Variants in TRIML2 observed in about 807,000 individuals in gnomAD.
TRIML2 encodes the protein probable E3 ubiquitin-protein ligase TRIML2.
A neutral mutation model predicts 31.2 loss-of-function variants in TRIML2; 28 were observed. That is an observed-to-expected ratio of 0.90 (90% confidence interval 0.66 to 1.23). The LOEUF is 1.23. Among genes scored for constraint, TRIML2 ranks in the 50% most tolerant of loss-of-function variants. TRIML2 has a pLI of 0.00. For synonymous variants in TRIML2, 187 were observed against 197.5 expected (o/e 0.95, Z 0.45); for missense variants, 536 against 528.3 (o/e 1.01, Z -0.14).
chr4:188,104,454 C>T (rs1018793951), intron 3 of TRIML2, among the ~76,000 whole-genome samples: 4 of 150,474 alleles, frequency 2.7e-5, no homozygotes, highest in African/African-American at 9.8e-5. Context: ...ACCTCTGCCT[C>T]CCAGTTCAAG....
intron 7 of TRIML2, chr4:188,093,030 C>T (rs1456409080): frequency 2.8e-6 from 1 of 357,968 alleles, no homozygotes; most frequent in African/African-American, 2.1e-5. Context: ...CAGCTAAATA[C>T]CAGTTGGAAA....
intron 7 of TRIML2, among the ~76,000 whole-genome samples, chr4:188,093,734 T>C (rs1247751313): frequency 2.0e-5 from 3 of 151,758 alleles, no homozygotes; most frequent in South Asian, 2.1e-4. Context: ...AAATTCAACA[T>C]TGATTCATAA....
rs375427099 is a variant in TRIML2 at position 188,097,306 on chromosome 4, T to C, written c.644+18A>G. 1.9e-6 allele frequency: 3 copies of C among 1,613,402 alleles called. No individual in the cohort carries two copies. Among genetic ancestry groups the C allele is most frequent in the Non-Finnish European group, 2.5e-6 (3 of 1,179,580 alleles). ...GGACTCTGATTCTCACCCAATTGTA[T>C]CCAAAATGAAAACTCACCTTTCTAA... On this transcript the variant is annotated intron_variant, in intron 6 of 7. Transcript: ENST00000682553.
intron 3 of TRIML2, among the ~76,000 whole-genome samples, chr4:188,101,936 C>T (rs1198717399): frequency 6.6e-6 from 1 of 151,250 alleles, no homozygotes; most frequent in Non-Finnish European, 1.5e-5. Context: ...CGAGACCATC[C>T]TGGCTAACAC....
At chr4:188,104,249 C>A (rs566265712) in intron 3 of TRIML2, among the ~76,000 whole-genome samples, 1 of 152,182 alleles carries the variant, frequency 6.6e-6, no homozygotes, top group African/African-American at 2.4e-5. Flanking sequence ...TCTCTTACCA[C>A]GAACAAAGTT....
intron 4 of TRIML2, among the ~76,000 whole-genome samples, 195 bp from the exon 5 acceptor site, chr4:188,099,370 C>T (rs559588271): frequency 2.0e-5 from 3 of 152,146 alleles, no homozygotes; most frequent in African/African-American, 7.2e-5. Context: ...TTGAGACCAG[C>T]CTGGCCAACA....
intron 3 of TRIML2, 90 bp from the exon 4 acceptor site, chr4:188,101,340 T>G: frequency 3.2e-5 from 20 of 624,582 alleles, no homozygotes; most frequent in Non-Finnish European, 4.7e-5. Context: ...TCTATATCTA[T>G]ATATAGATAT....
At chr4:188,098,449 C>T (rs550009529) in intron 5 of TRIML2, among the ~76,000 whole-genome samples, 2 of 152,182 alleles carry the variant, frequency 1.3e-5, no homozygotes, top group Non-Finnish European at 2.9e-5. Context: ...GCCCCACCTC[C>T]CAATACCATC....
chr4:188,103,505 C>T (rs867556276), intron 3 of TRIML2, among the ~76,000 whole-genome samples: 1 of 152,086 alleles, frequency 6.6e-6, no homozygotes, highest in African/African-American at 2.4e-5. Context: ...GCTCCAGCCA[C>T]ATACACGGCA....
chr4:188,097,812 G>A (rs1204006920), intron 5 of TRIML2, among the ~76,000 whole-genome samples: 1 of 152,156 alleles, frequency 6.6e-6, no homozygotes, highest in East Asian at 1.9e-4. Flanking sequence ...CCAGGAGAGG[G>A]ATATGGACAG....
At chr4:188,100,270 T>G (rs1282475535) in intron 4 of TRIML2, among the ~76,000 whole-genome samples, 1 of 152,198 alleles carries the variant, frequency 6.6e-6, no homozygotes, top group African/African-American at 2.4e-5. Flanking sequence ...TAGCAGATTA[T>G]CTCACTCAAA....
intron 7 of TRIML2, among the ~76,000 whole-genome samples, chr4:188,092,230 G>A (rs1339497793): frequency 6.6e-6 from 1 of 152,062 alleles, no homozygotes; most frequent in Admixed American, 6.6e-5. Flanking sequence ...ATCCAACGTG[G>A]CGCGGTGGCT....
chr4:188,104,171 T>G (rs566992458), intron 3 of TRIML2, among the ~76,000 whole-genome samples: 1 of 152,314 alleles, frequency 6.6e-6, no homozygotes, highest in South Asian at 2.1e-4. Flanking sequence ...ATAAACGGTG[T>G]CGTTAATCTT....
At position 188,094,479 on chromosome 4, in the gene TRIML2, A is replaced by G. The variant is rs116382865; in HGVS notation, c.746-2538T>C. 8.5e-3 allele frequency among the ~76,000 whole-genome samples: 1,297 copies of G among 152,338 alleles called. 22 individuals are homozygous for G. The highest frequency in any genetic ancestry group is 0.03 in the African/African-American group (1,246 of 41,572). On this transcript the variant is annotated intron_variant, in intron 7 of 7. Coordinates refer to ENST00000682553, the MANE Select transcript of TRIML2 (RefSeq NM_173553.4). ...ACAATTCCATTTCTATATACTTGCA[A>G]TGAACTAGAAATGAATGAAATGTCA... is the stretch of plus-strand genomic sequence containing the variant.
Position 188,099,016 on chromosome 4 carries a change from C to A in TRIML2, c.621+19G>T. 6.2e-7 allele frequency: 1 copy of A among 1,613,476 alleles called. No individual in the cohort carries two copies. Among genetic ancestry groups the A allele is most frequent in the Non-Finnish European group, 8.5e-7 (1 of 1,179,800 alleles). On this transcript the variant is annotated intron_variant, in intron 5 of 7. Coordinates refer to ENST00000682553, the MANE Select transcript of TRIML2 (RefSeq NM_173553.4). ...CAAATACTGGAATGAATTTTATTTT[C>A]TTTTTCCCAGCATCTTACCTTGAGC... is the stretch of plus-strand genomic sequence containing the variant.
chr4:188,108,710 A>G (rs1734135302), intron 1 of TRIML2, among the ~76,000 whole-genome samples: 1 of 152,092 alleles, frequency 6.6e-6, no homozygotes, highest in Admixed American at 6.6e-5. Flanking sequence ...CTCTTCTCTC[A>G]TATTTTTGCA....
At chr4:188,099,650 C>T (rs1166039936) in intron 4 of TRIML2, among the ~76,000 whole-genome samples, 1 of 151,850 alleles carries the variant, frequency 6.6e-6, no homozygotes, top group Non-Finnish European at 1.5e-5. Flanking sequence ...TTAGGCAAGG[C>T]CATGATATTC....
At chr4:188,103,005 G>GTTTTTTTTTTT (rs145048322) in intron 3 of TRIML2, among the ~76,000 whole-genome samples, 1 of 97,846 alleles carries the variant, frequency 1.0e-5, no homozygotes, top group Non-Finnish European at 1.9e-5. Context: ...TACTCTCTTG[G>GTTTTTTTTTTT]TTTTTTTTTT....
At chr4:188,095,961 C>A (rs4862858) in intron 7 of TRIML2, among the ~76,000 whole-genome samples, 25 of 152,174 alleles carry the variant, frequency 1.6e-4, no homozygotes, top group Middle Eastern at 6.8e-3. Flanking sequence ...AGGATTCCAT[C>A]GATAGGACAT....
Sources: gnomAD v4.1 joint callset for allele counts (sites outside exome capture counted in the v4.1 genomes callset) on GRCh38, gnomAD v4.1.1 for gene constraint, MANE v1.5 for transcripts, NCBI Gene and HGNC (gene_info 2026-07-23, HGNC 2026-07-21) for gene names.